The following FBXO47 variants were observed in gnomAD, a reference collection of about 807,000 sequenced individuals.
FBXO47 encodes F-box only protein 47.
In FBXO47, 34 loss-of-function variants were observed where a neutral mutation model predicts 53.9. That is an observed-to-expected ratio of 0.63 (90% confidence interval 0.48 to 0.84). The LOEUF is 0.84. FBXO47 is among the 40% of genes least tolerant of loss of function. FBXO47 has a pLI of 0.00. For missense variants in FBXO47, 485 were observed against 541.3 expected (o/e 0.90, Z 1.03); for synonymous variants, 165 against 181.6 (o/e 0.91, Z 0.73).
At chr17:38,962,409 A>T (rs1009233033) in intron 2 of FBXO47, among the ~76,000 whole-genome samples, 4 of 152,138 alleles carry the variant, frequency 2.6e-5, no homozygotes, top group Non-Finnish European at 5.9e-5. Flanking sequence ...TGAGGTCAGG[A>T]GTTCGAGACC....
chr17:38,944,726 C>T (rs1209309828), intron 7 of FBXO47, among the ~76,000 whole-genome samples: 1 of 147,052 alleles, frequency 6.8e-6, no homozygotes, highest in Non-Finnish European at 1.5e-5. Context: ...AAAAAATTAG[C>T]TGGTTGTGGT....
At chr17:38,963,649 TG>T (rs1905933374) in intron 1 of FBXO47, among the ~76,000 whole-genome samples, 1 of 152,134 alleles carries the variant, frequency 6.6e-6, no homozygotes. Context: ...GAATATAGGC[TG>T]GGTATGGTGG....
At chr17:38,946,206 A>C (rs1280432094) in intron 6 of FBXO47, among the ~76,000 whole-genome samples, 1 of 115,206 alleles carries the variant, frequency 8.7e-6, no homozygotes, top group African/African-American at 3.5e-5. Context: ...ATATATATAA[A>C]TATATACAAA....
intron 1 of FBXO47, among the ~76,000 whole-genome samples, chr17:38,964,844 G>A (rs761771951): frequency 4.6e-5 from 7 of 151,246 alleles, no homozygotes; most frequent in Non-Finnish European, 7.4e-5. Flanking sequence ...ACAGATTATC[G>A]CTCTACTGCC....
intron 8 of FBXO47, 42 bp from the exon 9 acceptor site, chr17:38,942,962 C>A (rs759833074): frequency 5.3e-6 from 8 of 1,518,560 alleles, no homozygotes; most frequent in South Asian, 1.2e-5. Flanking sequence ...AGAAATCACA[C>A]AACAGCTATA....
intron 9 of FBXO47, among the ~76,000 whole-genome samples, chr17:38,939,323 A>AAAAAATATAT (rs1555559726): frequency 1.4e-4 from 7 of 50,170 alleles, no homozygotes; most frequent in African/African-American, 4.5e-4. Flanking sequence ...AAAAAAAAAA[A>AAAAAATATAT]ATATATATAT....
chr17:38,962,539 G>T (rs563344101), intron 2 of FBXO47, among the ~76,000 whole-genome samples: 148 of 151,588 alleles, frequency 9.8e-4, no homozygotes, highest in African/African-American at 3.5e-3. Flanking sequence ...CCGGGAAGTG[G>T]AGGTTGCGGT....
chr17:38,942,508 T>C (rs1352481095), intron 9 of FBXO47, among the ~76,000 whole-genome samples: 1 of 151,992 alleles, frequency 6.6e-6, no homozygotes, highest in African/African-American at 2.4e-5. Flanking sequence ...GCAGGAGAAA[T>C]GCTTGAACAT....
In FBXO47 at chr17:38,961,913, G is replaced by T. The variant is rs202147522; in HGVS notation, c.316C>A (p.Gln106Lys). 86 of 1,613,862 alleles carry T rather than the reference G, an allele frequency of 5.3e-5. No homozygotes were observed. Among genetic ancestry groups the T allele is most frequent in the African/African-American group, 2.7e-5 (2 of 74,904 alleles). ...FHNLELPDRR[Q>K]DSAILEHYRS... ...TAGTGCTCCAGTATAGCAGAGTCTT[G>T]TCTCCTGTCAGGCAGCTCAAGGTTA... The change falls in exon 3 of 11, where the codon CAA becomes AAA. Residue 106 changes from glutamine to lysine, a missense_variant. Gln to Lys is a moderately conservative substitution (Grantham distance 53). Coordinates refer to ENST00000378079, the MANE Select transcript of FBXO47 (RefSeq NM_001008777.3).
intron 6 of FBXO47, among the ~76,000 whole-genome samples, chr17:38,948,694 C>T (rs1049633999): frequency 6.6e-6 from 1 of 151,864 alleles, no homozygotes; most frequent in African/African-American, 2.4e-5. Context: ...GTGCAGGTTA[C>T]ACAGGTAAAC....
At chr17:38,946,453 TATAA>T (rs1217475908) in intron 6 of FBXO47, among the ~76,000 whole-genome samples, 1 of 92,968 alleles carries the variant, frequency 1.1e-5, no homozygotes, top group Non-Finnish European at 1.8e-5. Context: ...TATATAACTA[TATAA>T]ATATATATGA....
At chr17:38,950,254 G>GT (rs1343194244) in intron 6 of FBXO47, among the ~76,000 whole-genome samples, 5 of 151,768 alleles carry the variant, frequency 3.3e-5, no homozygotes, top group African/African-American at 1.2e-4. Context: ...GGTATCTCAT[G>GT]TAAGTAGAAT....
rs1904606903 is a variant in FBXO47, at chr17:38,943,614, T to C, written c.916A>G (p.Ile306Val). The C allele has an allele frequency of 1.3e-6, 2 of 1,594,214 alleles. No individual in the cohort carries two copies. Among genetic ancestry groups the C allele is most frequent in the Non-Finnish European group, 1.7e-6 (2 of 1,172,394 alleles). ...STKEWTADDVISLVDELSVVP... is the reference protein window; with the variant it reads ...STKEWTADDVVSLVDELSVVP... ...CCTGATAGTTCATCTACAAGACTGA[T>C]AACATCATCTGCTGTCCACTCTTTA... The change falls in exon 8 of 11, where the codon ATC becomes GTC. Residue 306 changes from isoleucine (I) to valine (V), a missense_variant. Transcript: ENST00000378079.
intron 3 of FBXO47, among the ~76,000 whole-genome samples, chr17:38,960,823 G>A (rs1230117338): frequency 3.3e-5 from 5 of 151,840 alleles, no homozygotes; most frequent in East Asian, 1.9e-4. Context: ...GTAGAGACAG[G>A]GTTTCACCAT....
intron 6 of FBXO47, among the ~76,000 whole-genome samples, chr17:38,947,073 C>CATATATAAACATATATATAAACAT (rs1165695285): frequency 2.5e-5 from 3 of 122,280 alleles, no homozygotes; most frequent in African/African-American, 1.1e-4. Context: ...TATATATAAA[C>CATATATAAACATATATATAAACAT]ATATATAAAC....
At chr17:38,947,095 CAT>C (rs1182325303) in intron 6 of FBXO47, among the ~76,000 whole-genome samples, 3 of 130,820 alleles carry the variant, frequency 2.3e-5, no homozygotes, top group African/African-American at 5.8e-5. Flanking sequence ...TATATATAAA[CAT>C]ATATATAAAC....
intron 4 of FBXO47, among the ~76,000 whole-genome samples, chr17:38,956,094 C>G (rs999534843): frequency 2.0e-5 from 3 of 150,958 alleles, no homozygotes; most frequent in Non-Finnish European, 4.4e-5. Flanking sequence ...CGAGATCGCA[C>G]CACTGCACTC....
At chr17:38,964,425 G>A (rs1157899138) in intron 1 of FBXO47, among the ~76,000 whole-genome samples, 3 of 152,046 alleles carry the variant, frequency 2.0e-5, no homozygotes, top group Admixed American at 1.3e-4. Flanking sequence ...GCGAAACCCC[G>A]TCTCTACAAA....
chr17:38,941,755 C>G (rs1273503378), intron 9 of FBXO47, among the ~76,000 whole-genome samples: 1 of 150,592 alleles, frequency 6.6e-6, no homozygotes, highest in Non-Finnish European at 1.5e-5. Context: ...TTCACTGTAA[C>G]CTTAAACTCC....
Sources: allele counts gnomAD v4.1 joint callset (sites outside exome capture counted in the v4.1 genomes callset), GRCh38; gene constraint gnomAD v4.1.1; transcripts MANE v1.5; gene names NCBI Gene and HGNC (gene_info 2026-07-23, HGNC 2026-07-21).